The following PI15 variants were observed in gnomAD, a reference collection of about 807,000 sequenced individuals.
The protein encoded by PI15 is peptidase inhibitor 15, also known as 25 kDa trypsin inhibitor.
Under a neutral mutation model 31.0 loss-of-function variants are expected in PI15, and 18 were observed. The ratio of observed to expected loss-of-function variants is 0.58; its 90% CI spans 0.40 to 0.86. PI15 has a LOEUF of 0.86. Among genes scored for constraint, PI15 ranks in the 40% least tolerant of loss-of-function variants. PI15 has a pLI of 0.00. For missense variants in PI15, 282 were observed against 328.1 expected, an observed-to-expected ratio of 0.86 and a Z score of 1.09; for synonymous variants, 118 against 119.1, an observed-to-expected ratio of 0.99 and a Z score of 0.06.
At chr8:74,832,578 T>C (rs930610230) in intron 2 of PI15, among the ~76,000 whole-genome samples, 6 of 152,114 alleles carry the variant, frequency 3.9e-5, no homozygotes, top group Admixed American at 1.3e-4. Context: ...CCATTTACCA[T>C]TAAATAGCTG....
intron 2 of PI15, among the ~76,000 whole-genome samples, chr8:74,833,757 A>T (rs551429174): frequency 1.3e-5 from 2 of 152,332 alleles, no homozygotes; most frequent in South Asian, 4.1e-4. Flanking sequence ...TGGAGAGCGT[A>T]AGTAACTTCC....
intron 5 of PI15, chr8:74,845,746 ACC>A (rs1811016744): frequency 2.2e-6 from 1 of 455,974 alleles, no homozygotes; most frequent in Non-Finnish European, 4.0e-6. Context: ...AATTCTCCTT[ACC>A]ATATGTTTTA....
intron 1 of PI15, 191 bp from the exon 2 acceptor site, chr8:74,825,019 G>T (rs1810671161): frequency 1.7e-6 from 1 of 580,684 alleles, no homozygotes; most frequent in African/African-American, 1.8e-5. Flanking sequence ...CCTCTTAGGG[G>T]TCTGCCTCAT....
intron 2 of PI15, among the ~76,000 whole-genome samples, chr8:74,836,259 G>T (rs1032917026): frequency 8.5e-5 from 13 of 152,194 alleles, no homozygotes; most frequent in Non-Finnish European, 4.4e-5. Context: ...GTCACAGGCA[G>T]TGGAGGTGAT....
intron 2 of PI15, among the ~76,000 whole-genome samples, chr8:74,833,148 A>G (rs1438120110): frequency 6.6e-6 from 1 of 152,090 alleles, no homozygotes; most frequent in Non-Finnish European, 1.5e-5. Flanking sequence ...TTATTAAAAT[A>G]TACCATTGAG....
At chr8:74,832,634 T>C (rs1810802487) in intron 2 of PI15, among the ~76,000 whole-genome samples, 1 of 152,108 alleles carries the variant, frequency 6.6e-6, no homozygotes, top group Non-Finnish European at 1.5e-5. Flanking sequence ...TGAAGAATAG[T>C]ATGAAGTGGG....
intron 5 of PI15, chr8:74,846,090 G>A (rs1586958819): frequency 6.6e-6 from 1 of 152,584 alleles, no homozygotes; most frequent in East Asian, 1.9e-4. Context: ...CTCTTTGGAT[G>A]ATAAAATGTT....
At chr8:74,843,460 G>A (rs2128765672) in intron 2 of PI15, among the ~76,000 whole-genome samples, 1 of 152,314 alleles carries the variant, frequency 6.6e-6, no homozygotes, top group Non-Finnish European at 1.5e-5. Flanking sequence ...TGGAGTGGTG[G>A]CTCATGCCTG....
At chr8:74,828,992 T>A (rs913542170) in intron 2 of PI15, among the ~76,000 whole-genome samples, 1 of 152,104 alleles carries the variant, frequency 6.6e-6, no homozygotes, top group South Asian at 2.1e-4. Context: ...ACTCTTATCA[T>A]GTCTTGCTCT....
rs185840636 is a variant in PI15, at chr8:74,837,748, T to C, written c.274-6233T>C. Among the ~76,000 whole-genome samples the C allele has an allele frequency of 2.7e-3, 408 of 152,286 alleles. 2 individuals carry two copies. The highest frequency in any genetic ancestry group is 8.6e-3 in the African/African-American group (356 of 41,578). ...ATGTATGTGAAATGACACATAAACGTCCAAGAAAAAATAAATGTCCAAAAG... is the reference window on the plus strand; with the variant it reads ...ATGTATGTGAAATGACACATAAACGCCCAAGAAAAAATAAATGTCCAAAAG... On this transcript the variant is annotated intron_variant, in intron 2 of 5. Transcript: ENST00000260113.
chr8:74,840,138 A>ATG (rs1360380429), intron 2 of PI15, among the ~76,000 whole-genome samples: 11 of 152,154 alleles, frequency 7.2e-5, no homozygotes, highest in African/African-American at 2.4e-4. Flanking sequence ...TTTAGGATAC[A>ATG]TGTGATAATT....
Position 74,849,432 on chromosome 8 carries a change from T to C in PI15, c.*179T>C, listed in dbSNP as rs1313760637. ...ATGTTTGTTTAATCCTTTGAAATAT[T>C]TGAAACATCAATTTCTATTTTCTGA... On this transcript the variant is annotated 3_prime_UTR_variant, in exon 6 of 6. Transcript: ENST00000260113. The C allele has an allele frequency of 6.3e-6, 3 of 475,130 alleles. No individual in the cohort carries two copies. Among genetic ancestry groups the C allele is most frequent in the African/African-American group, 4.0e-5 (2 of 49,530 alleles). 29.4% of individuals were successfully genotyped at this position (475,130 alleles called of 1,614,324 possible).
rs1336409009 is a variant in PI15 at position 74,850,402 on chromosome 8, G to A, written c.*1149G>A. 2 of 152,306 alleles carry A rather than the reference G, an allele frequency of 1.3e-5. No individual in the cohort carries two copies. Among genetic ancestry groups the A allele is most frequent in the African/African-American group, 4.8e-5 (2 of 41,562 alleles). 9.4% of individuals were successfully genotyped at this position (152,306 alleles called of 1,614,324 possible). A position where few individuals can be genotyped will look rare whatever the true frequency, so the allele number is the denominator to read the frequency against. Reference sequence around the variant, plus strand: ...ACTACCAGATGGAGAGCTTCAGAATGGGCTATCCTTAGAGTCTAGTACATC... The same window carrying A: ...ACTACCAGATGGAGAGCTTCAGAATAGGCTATCCTTAGAGTCTAGTACATC... On this transcript the variant is annotated 3_prime_UTR_variant, in exon 6 of 6. Transcript: ENST00000260113.
In PI15 at chr8:74,841,692, T is replaced by C. The variant is rs1301101224; in HGVS notation, c.274-2289T>C. Among the ~76,000 whole-genome samples, 3 of 152,254 alleles carry C rather than the reference T, an allele frequency of 2.0e-5. No homozygotes were observed. In the East Asian group the frequency reaches 5.8e-4, roughly 29 times the overall value. On this transcript the variant is annotated intron_variant, in intron 2 of 5. Coordinates refer to ENST00000260113, the MANE Select transcript of PI15 (RefSeq NM_015886.5). ...GAAGCTACTCCATCTGAAATTCCTG[T>C]ATAAATTAATTGTAATGTTTTGTAT...
At chr8:74,835,690 A>T (rs1189659576) in intron 2 of PI15, among the ~76,000 whole-genome samples, 6 of 152,180 alleles carry the variant, frequency 3.9e-5, no homozygotes, top group Admixed American at 3.3e-4. Flanking sequence ...CTTACTTGGG[A>T]AGTGCTTTAT....
chr8:74,852,854 G>A lies in PI15; in HGVS notation c.*3601G>A, dbSNP rs769055253. The stretch of plus-strand genomic sequence containing the variant: ...TTAGACTTTGGTGTAGGTTCTTCCT[G>A]TGTAGCCATATACCCAGGCTCTGCA... On this transcript the variant is annotated 3_prime_UTR_variant, in exon 6 of 6. Transcript: ENST00000260113. 3 of 152,062 alleles carry A rather than the reference G, an allele frequency of 2.0e-5. No individual in the cohort carries two copies. Among genetic ancestry groups the A allele is most frequent in the Non-Finnish European group, 2.9e-5 (2 of 67,940 alleles). The allele number at this position is 152,062 out of a possible 1,614,324, so 9.4% of individuals were successfully genotyped here. A position where few individuals can be genotyped will look rare whatever the true frequency, so the allele number is the denominator to read the frequency against.
At chr8:74,826,206 A>T (rs1259530304) in intron 2 of PI15, 1 of 356,968 alleles carries the variant, frequency 2.8e-6, no homozygotes. Flanking sequence ...AGTAAAAAAA[A>T]AAGTTAGTAT....
intron 5 of PI15, among the ~76,000 whole-genome samples, chr8:74,846,193 TCAAA>T (rs1193861971): frequency 2.6e-5 from 4 of 152,196 alleles, no homozygotes; most frequent in Admixed American, 1.3e-4. Context: ...AAAATAAGTC[TCAAA>T]CAAAGATTTT....
intron 2 of PI15, among the ~76,000 whole-genome samples, chr8:74,827,683 T>C (rs578215886): frequency 6.6e-6 from 1 of 152,308 alleles, no homozygotes; most frequent in African/African-American, 2.4e-5. Context: ...ATTTGCTGCA[T>C]TGAGGAAATG....
Sources: gnomAD v4.1 joint callset for allele counts (sites outside exome capture counted in the v4.1 genomes callset) on GRCh38, gnomAD v4.1.1 for gene constraint, MANE v1.5 for transcripts, NCBI Gene and HGNC (gene_info 2026-07-23, HGNC 2026-07-21) for gene names.